Variants in USP32 observed in about 807,000 individuals in gnomAD.
USP32 encodes ubiquitin carboxyl-terminal hydrolase 32.
Under a neutral mutation model 204.8 loss-of-function variants are expected in USP32, and 59 were observed. That is an observed-to-expected ratio of 0.29 (90% CI 0.23 to 0.36). The LOEUF (loss-of-function observed/expected upper bound fraction) is 0.36. Ranked by LOEUF, USP32 falls within the 10% of genes least tolerant of loss-of-function variation. The pLI is 1.00. For synonymous variants in USP32, 517 were observed against 678.4 expected, an observed-to-expected ratio of 0.76 and a Z score of 3.70; for missense variants, 1,160 against 1,946.4, an observed-to-expected ratio of 0.60 and a Z score of 7.60.
At position 60,211,517 on chromosome 17, in the gene USP32, G is replaced by A. The variant is rs1229935379; in HGVS notation, c.2180-3C>T. 3 of 1,608,540 alleles carry A rather than the reference G, an allele frequency of 1.9e-6. No individual in the cohort carries two copies. ...TGTGGCTCCCTTTTCTGTGGGAACT[G>A]GAACAAACAATATGAGAACCAAAGC... On this transcript the variant is annotated splice_polypyrimidine_tract_variant and splice_region_variant and intron_variant, in intron 19 of 33. Coordinates refer to ENST00000300896, the MANE Select transcript of USP32 (RefSeq NM_032582.4).
At chr17:60,298,166 A>T (rs983243363) in intron 3 of USP32, among the ~76,000 whole-genome samples, 1 of 152,242 alleles carries the variant, frequency 6.6e-6, no homozygotes. Flanking sequence ...AACATGGGAC[A>T]CATATAACAG....
chr17:60,329,992 G>T (rs954411383), intron 2 of USP32, among the ~76,000 whole-genome samples: 3 of 152,136 alleles, frequency 2.0e-5, no homozygotes, highest in Admixed American at 2.0e-4. Flanking sequence ...CTTCACACTG[G>T]TTTAAAATAA....
intron 33 of USP32, 152 bp downstream of exon 33, chr17:60,180,393 T>C (rs1322074414): frequency 1.1e-4 from 94 of 880,022 alleles, no homozygotes; most frequent in Admixed American, 1.6e-4. Context: ...TGCATATAAC[T>C]TTTGTTCCTT....
chr17:60,282,422 C>T (rs1348070464), intron 5 of USP32, among the ~76,000 whole-genome samples: 2 of 152,092 alleles, frequency 1.3e-5, no homozygotes, highest in Admixed American at 6.6e-5. Context: ...GGTGCAATCT[C>T]GGCTCACTGC....
chr17:60,301,789 T>C, intron 2 of USP32, 85 bp from the exon 3 acceptor site: 1 of 882,872 alleles, frequency 1.1e-6, no homozygotes. Flanking sequence ...ACAAATTTTA[T>C]CTCCACCTCC....
At chr17:60,322,548 T>G (rs909061271) in intron 2 of USP32, among the ~76,000 whole-genome samples, 6 of 152,166 alleles carry the variant, frequency 3.9e-5, no homozygotes, top group Non-Finnish European at 8.8e-5. Context: ...AGTTCTGATG[T>G]TTGTTCTACA....
chr17:60,368,221 T>C (rs1686109952), intron 1 of USP32, among the ~76,000 whole-genome samples: 2 of 152,186 alleles, frequency 1.3e-5, no homozygotes, highest in South Asian at 2.1e-4. Flanking sequence ...AAATACAGTA[T>C]TTAGAGATAC....
At chr17:60,271,715 AT>A (rs2086728323) in intron 5 of USP32, among the ~76,000 whole-genome samples, 1 of 152,186 alleles carries the variant, frequency 6.6e-6, no homozygotes, top group Admixed American at 6.5e-5. Flanking sequence ...ACAATTCCCC[AT>A]TTAAGTAGGC....
chr17:60,333,641 A>C (rs2088442827), intron 2 of USP32, among the ~76,000 whole-genome samples: 1 of 150,620 alleles, frequency 6.6e-6, no homozygotes, highest in Non-Finnish European at 1.5e-5. Context: ...AGAAAGAAGG[A>C]AGAAAGAAAG....
intron 1 of USP32, among the ~76,000 whole-genome samples, chr17:60,397,965 T>G (rs1213423879): frequency 1.3e-5 from 2 of 152,046 alleles, no homozygotes; most frequent in Admixed American, 6.6e-5. Flanking sequence ...TAGGTTAAGA[T>G]AAAACTTTTT....
intron 2 of USP32, among the ~76,000 whole-genome samples, chr17:60,320,660 C>T (rs565094570): frequency 7.2e-5 from 11 of 152,284 alleles, no homozygotes; most frequent in Admixed American, 3.3e-4. Context: ...TAATGAAAAA[C>T]AACACCGAAT....
chr17:60,316,195 C>T (rs1467040004), intron 2 of USP32: 1 of 260,110 alleles, frequency 3.8e-6, no homozygotes, highest in Non-Finnish European at 7.6e-6. Context: ...GCTACCTTGC[C>T]GCATATATGG....
chr17:60,266,500 T>C (rs1471658773), intron 7 of USP32, among the ~76,000 whole-genome samples: 2 of 152,194 alleles, frequency 1.3e-5, no homozygotes, highest in Admixed American at 1.3e-4. Flanking sequence ...CTTCTTTTTG[T>C]TTGTTGGAGA....
intron 10 of USP32, among the ~76,000 whole-genome samples, chr17:60,253,602 C>T (rs2086222457): frequency 6.6e-6 from 1 of 151,888 alleles, no homozygotes; most frequent in Non-Finnish European, 1.5e-5. Flanking sequence ...CTCGTCTCTA[C>T]TAAAAATACA....
At chr17:60,318,184 G>T (rs921876997) in intron 2 of USP32, among the ~76,000 whole-genome samples, 5 of 152,152 alleles carry the variant, frequency 3.3e-5, no homozygotes, top group African/African-American at 2.4e-5. Context: ...TGTGACACTA[G>T]GCTAAAAGCA....
intron 1 of USP32, among the ~76,000 whole-genome samples, chr17:60,351,091 G>C (rs1371836878): frequency 6.6e-6 from 1 of 151,972 alleles, no homozygotes; most frequent in Non-Finnish European, 1.5e-5. Flanking sequence ...GCCCCAAAAG[G>C]CTCAGAAATG....
At chr17:60,252,724 AG>A (rs2086200187) in intron 10 of USP32, among the ~76,000 whole-genome samples, 1 of 152,218 alleles carries the variant, frequency 6.6e-6, no homozygotes, top group African/African-American at 2.4e-5. Context: ...ACATTACCTC[AG>A]GAACAGATTT....
intron 5 of USP32, among the ~76,000 whole-genome samples, chr17:60,272,847 GCCAAGAAAGGGCT>G (rs1333820013): frequency 1.3e-5 from 2 of 152,186 alleles, no homozygotes; most frequent in African/African-American, 4.8e-5. Flanking sequence ...AAAGAGTTAT[GCCAAGAAAGGGCT>G]CCAGAAATCT....
chr17:60,255,308 T>G (rs758049454), intron 9 of USP32, 50 bp from the exon 10 acceptor site: 52 of 1,497,912 alleles, frequency 3.5e-5, no homozygotes, highest in Non-Finnish European at 4.4e-5. Flanking sequence ...CTTTTTTTTT[T>G]TTTTTTTGAG....
Sources: gnomAD v4.1 joint callset for allele counts (sites outside exome capture counted in the v4.1 genomes callset) on GRCh38, gnomAD v4.1.1 for gene constraint, MANE v1.5 for transcripts, NCBI Gene and HGNC (gene_info 2026-07-23, HGNC 2026-07-21) for gene names.